SPG11: variants seen among roughly 807,000 people sequenced by gnomAD.
SPG11 encodes spatacsin.
In SPG11, 222 loss-of-function variants were observed where a neutral mutation model predicts 274.0. The ratio of observed to expected loss-of-function variants is 0.81; its 90% CI spans 0.73 to 0.91. The LOEUF (loss-of-function observed/expected upper bound fraction) is 0.91, where lower values mean the gene tolerates loss of function less well. Among genes scored for constraint, SPG11 ranks in the 40% least tolerant of loss-of-function variants. SPG11 has a pLI of 0.00. For missense variants in SPG11, 3,114 were observed against 2,872.7 expected (o/e 1.08, Z -1.92); for synonymous variants, 1,144 against 1,039.7 (o/e 1.10, Z -1.93).
rs764652074 is a variant in SPG11 at position 44,598,320 on chromosome 15, G to A, written c.3946C>T (p.Leu1316Phe). ...CATGTACCTTCTTCTAAGAGAACAA[G>A]CAATTCTTCTGTGGTTGTCTTTTCA... Reference protein sequence around the residue: ...DGEKTTTEELLVLLEEGTWNS... With the variant: ...DGEKTTTEELFVLLEEGTWNS... Residue 1316 changes from leucine (L) to phenylalanine (F), a missense_variant, in exon 23 of 40, where the codon CTT becomes TTT. Transcript: ENST00000261866. The A allele has an allele frequency of 1.9e-6, 3 of 1,613,948 alleles. No individual in the cohort carries two copies. The highest frequency in any genetic ancestry group is 2.5e-6 in the Non-Finnish European group (3 of 1,179,976).
At chr15:44,630,193 C>T (rs1244660281) in intron 8 of SPG11, among the ~76,000 whole-genome samples, 1 of 152,216 alleles carries the variant, frequency 6.6e-6, no homozygotes, top group Admixed American at 6.5e-5. Context: ...CAGCTGAAGG[C>T]TCTAATTAAG....
chr15:44,585,322 G>C (rs1371373070), intron 29 of SPG11, among the ~76,000 whole-genome samples: 2 of 151,450 alleles, frequency 1.3e-5, no homozygotes, highest in Non-Finnish European at 2.9e-5. Flanking sequence ...GGGCGTGGTG[G>C]CTCACGCCTG....
chr15:44,658,427 T>C (rs1190471917), intron 3 of SPG11, among the ~76,000 whole-genome samples: 3 of 151,990 alleles, frequency 2.0e-5, no homozygotes, highest in African/African-American at 7.2e-5. Flanking sequence ...GTAGACTATA[T>C]TTATACATGA....
In SPG11 at chr15:44,621,852, T is replaced by G. The variant is rs2083760846; in HGVS notation, c.2527A>C (p.Asn843His). ...FLKYDCKDEF[N>H]KQDHRIVLNW... The stretch of plus-strand genomic sequence containing the variant: ...AACACAATTCTATGGTCCTGTTTGT[T>G]AAATTCATCTTTACAATCATATTTC... Residue 843 changes from asparagine (N) to histidine (H), a missense_variant, in exon 14 of 40, where the codon AAC becomes CAC. Transcript: ENST00000261866. 1 of 1,613,834 alleles carries G rather than the reference T, an allele frequency of 6.2e-7. No individual in the cohort carries two copies. The highest frequency in any genetic ancestry group is 1.1e-5 in the South Asian group (1 of 91,086).
At chr15:44,586,477 A>C (rs1221711910) in intron 28 of SPG11, among the ~76,000 whole-genome samples, 3 of 151,920 alleles carry the variant, frequency 2.0e-5, no homozygotes, top group Non-Finnish European at 2.9e-5. Flanking sequence ...CCCCGTCTCT[A>C]CTAAAAATAC....
chr15:44,644,685 T>A (rs530161388), intron 7 of SPG11, among the ~76,000 whole-genome samples: 1 of 152,268 alleles, frequency 6.6e-6, no homozygotes, highest in East Asian at 1.9e-4. Flanking sequence ...CCATAGTCTC[T>A]GTTCAAAAGC....
At chr15:44,658,701 C>T (rs1426810531) in intron 3 of SPG11, among the ~76,000 whole-genome samples, 9 of 151,996 alleles carry the variant, frequency 5.9e-5, no homozygotes, top group Non-Finnish European at 1.2e-4. Context: ...CCTTGTGATC[C>T]GCCCACCTCG....
intron 15 of SPG11, among the ~76,000 whole-genome samples, chr15:44,618,559 T>C (rs1357408820): frequency 6.8e-6 from 1 of 147,576 alleles, no homozygotes; most frequent in Non-Finnish European, 1.5e-5. Context: ...GGCTCACGCC[T>C]GTAATCCCAG....
At chr15:44,620,759 C>T (rs563372786) in intron 14 of SPG11, 56 of 186,082 alleles carry the variant, frequency 3.0e-4, no homozygotes, top group African/African-American at 1.2e-3. Flanking sequence ...AGTGCAGTGG[C>T]GCAATCTTGG....
At chr15:44,649,890 A>G (rs1200503377) in intron 6 of SPG11, among the ~76,000 whole-genome samples, 2 of 150,912 alleles carry the variant, frequency 1.3e-5, no homozygotes, top group African/African-American at 4.9e-5. Flanking sequence ...GTGAGACTCC[A>G]TATCAAAAAA....
At position 44,585,636 on chromosome 15, in the gene SPG11, C is replaced by A. The variant is rs145643238; in HGVS notation, c.5121G>T (p.Glu1707Asp). 7.6e-4 allele frequency: 1,191 copies of A among 1,559,200 alleles called. 2 individuals carry two copies. The highest frequency in any genetic ancestry group is 1.9e-3 in the Admixed American group (112 of 59,634). The change falls in exon 29 of 40, where the codon GAG becomes GAT. Residue 1707 changes from glutamate (E) to aspartate (D), a missense_variant and splice_region_variant. By Grantham distance (45) the Glu-to-Asp change is conservative (BLOSUM62 2). Transcript: ENST00000261866. Reference protein sequence around the residue: ...ELPVDNLVIKEITQEMQTLKH... With the variant: ...ELPVDNLVIKDITQEMQTLKH... Reference sequence around the variant, plus strand: ...AAAAAAAAAAAAAGACCGATGATACCTCTTTAATAACCAAGTTGTCCACAG... The same window carrying A: ...AAAAAAAAAAAAAGACCGATGATACATCTTTAATAACCAAGTTGTCCACAG...
intron 30 of SPG11, 39 bp from the exon 31 acceptor site, chr15:44,575,080 A>G (rs1489211793): frequency 6.2e-7 from 1 of 1,611,890 alleles, no homozygotes; most frequent in African/African-American, 1.3e-5. Context: ...CTAAGCTGGG[A>G]GGTTCTGGCC....
At chr15:44,657,839 T>A (rs941280869) in intron 3 of SPG11, among the ~76,000 whole-genome samples, 1 of 152,228 alleles carries the variant, frequency 6.6e-6, no homozygotes, top group African/African-American at 2.4e-5. Flanking sequence ...CTCCAATGAC[T>A]GAACTGAGTA....
At chr15:44,613,008 A>G (rs1285184286) in intron 17 of SPG11, among the ~76,000 whole-genome samples, 4 of 152,182 alleles carry the variant, frequency 2.6e-5, no homozygotes, top group Non-Finnish European at 5.9e-5. Context: ...CAGAGGACAC[A>G]ACAATCTCAC....
Position 44,623,914 on chromosome 15 carries a change from C to T in SPG11, c.2245-1115G>A, listed in dbSNP as rs576042649. Reference sequence around the variant, plus strand: ...TAGCTGGGATTACAGGCATGCATCACCCACCTGGCTAATTTTTGGCCTTTT... The same window carrying T: ...TAGCTGGGATTACAGGCATGCATCATCCACCTGGCTAATTTTTGGCCTTTT... On this transcript the variant is annotated intron_variant, in intron 11 of 39. Transcript: ENST00000261866. Among the ~76,000 whole-genome samples the T allele has an allele frequency of 2.0e-5, 3 of 152,040 alleles. No individual in the cohort carries two copies. In the South Asian group the frequency reaches 6.2e-4, roughly 32 times the overall value.
intron 20 of SPG11, among the ~76,000 whole-genome samples, chr15:44,604,914 G>C (rs1349463626): frequency 2.2e-5 from 2 of 90,652 alleles, no homozygotes; most frequent in African/African-American, 4.5e-5. Context: ...AGCCTGGGCG[G>C]AACAAGACTC....
At chr15:44,628,875 T>C in intron 9 of SPG11, 31 bp from the exon 10 acceptor site, 1 of 1,585,954 alleles carries the variant, frequency 6.3e-7, no homozygotes, top group Non-Finnish European at 8.6e-7. Context: ...CCAATTTGTG[T>C]GTGTGTGTGT....
intron 4 of SPG11, among the ~76,000 whole-genome samples, chr15:44,655,693 G>A (rs954349602): frequency 6.6e-6 from 1 of 152,170 alleles, no homozygotes; most frequent in African/African-American, 2.4e-5. Flanking sequence ...CTGGTCAACT[G>A]TAGGCTATTA....
intron 29 of SPG11, among the ~76,000 whole-genome samples, chr15:44,584,879 T>C (rs886240783): frequency 2.6e-5 from 4 of 152,200 alleles, no homozygotes; most frequent in African/African-American, 7.2e-5. Flanking sequence ...TCCTCCTGCC[T>C]TGCCCTCCCA....
Sources: allele counts gnomAD v4.1 joint callset (sites outside exome capture counted in the v4.1 genomes callset), GRCh38; gene constraint gnomAD v4.1.1; transcripts MANE v1.5; gene names NCBI Gene and HGNC (gene_info 2026-07-23, HGNC 2026-07-21).